Variants in CEMIP2 observed in about 807,000 individuals in gnomAD.
CEMIP2 encodes the protein cell surface hyaluronidase CEMIP2.
CEMIP2 carries 79 observed loss-of-function variants against 146.9 expected under a neutral mutation model. That is an observed-to-expected ratio of 0.54 (90% CI 0.45 to 0.65). The LOEUF (loss-of-function observed/expected upper bound fraction) is 0.65. CEMIP2 is among the 30% of genes least tolerant of loss of function. The probability of loss-of-function intolerance (pLI) is 0.00; values close to 1 mark genes in which losing one functional copy is unlikely to be tolerated. For synonymous variants in CEMIP2, 601 were observed against 606.3 expected (o/e 0.99, Z 0.13); for missense variants, 1,596 against 1,696.2 (o/e 0.94, Z 1.04).
intron 17 of CEMIP2, among the ~76,000 whole-genome samples, chr9:71,708,417 T>G (rs1395970370): frequency 6.6e-6 from 1 of 152,242 alleles, no homozygotes; most frequent in East Asian, 1.9e-4. Context: ...ATATGCTAAA[T>G]GCTTTACATA....
intron 1 of CEMIP2, 24 bp from the exon 2 acceptor site, chr9:71,750,409 G>T: frequency 6.8e-7 from 1 of 1,464,590 alleles, no homozygotes; most frequent in Non-Finnish European, 9.2e-7. Context: ...AAAAAATTAA[G>T]CTTCAGTATG....
intron 21 of CEMIP2, 138 bp from the exon 22 acceptor site, chr9:71,690,384 C>T: frequency 8.6e-7 from 1 of 1,156,516 alleles, no homozygotes. Flanking sequence ...TTGTGTGCTT[C>T]ACTTGCTTTT....
intron 1 of CEMIP2, among the ~76,000 whole-genome samples, chr9:71,755,817 C>G (rs1824418364): frequency 6.6e-6 from 1 of 151,786 alleles, no homozygotes. Context: ...AAAAAATTAA[C>G]TGGGCATGGT....
chr9:71,691,474 G>A (rs1822227496), intron 21 of CEMIP2, among the ~76,000 whole-genome samples: 1 of 150,230 alleles, frequency 6.7e-6, no homozygotes, highest in African/African-American at 2.5e-5. Context: ...CCAATCCAGT[G>A]AAAATAGTTC....
At chr9:71,751,781 A>G (rs1338699886) in intron 1 of CEMIP2, among the ~76,000 whole-genome samples, 2 of 152,162 alleles carry the variant, frequency 1.3e-5, no homozygotes, top group African/African-American at 2.4e-5. Flanking sequence ...AAAAGTTCCA[A>G]TAGCTAGGCA....
chr9:71,706,748 G>T (rs779061084), intron 17 of CEMIP2, among the ~76,000 whole-genome samples: 32 of 152,248 alleles, frequency 2.1e-4, no homozygotes, highest in Non-Finnish European at 3.7e-4. Flanking sequence ...ACGCACACAT[G>T]CATGAATACT....
chr9:71,690,296 T>C, intron 21 of CEMIP2, 50 bp from the exon 22 acceptor site: 1 of 1,590,302 alleles, frequency 6.3e-7, no homozygotes. Context: ...TGAGAACATC[T>C]GCAGGATGAC....
chr9:71,705,484 C>G (rs1306651879), intron 17 of CEMIP2, among the ~76,000 whole-genome samples: 1 of 151,998 alleles, frequency 6.6e-6, no homozygotes, highest in Non-Finnish European at 1.5e-5. Context: ...TATCTGTAAC[C>G]AAATTCTCCA....
At chr9:71,687,044 C>T in intron 22 of CEMIP2, 1 of 152,168 alleles carries the variant, frequency 6.6e-6, no homozygotes, top group Non-Finnish European at 1.5e-5. Flanking sequence ...GTGGATTCTC[C>T]GTTCTTCTCT....
chr9:71,714,775 G>A (rs1244523590), intron 15 of CEMIP2, among the ~76,000 whole-genome samples, 159 bp downstream of exon 15: 4 of 152,202 alleles, frequency 2.6e-5, no homozygotes, highest in Non-Finnish European at 5.9e-5. Flanking sequence ...AATAGTAGTA[G>A]CAGTAGCAGC....
chr9:71,766,480 A>G lies in CEMIP2; in HGVS notation c.-13+1877T>C, dbSNP rs563081948. 7.9e-5 allele frequency among the ~76,000 whole-genome samples: 12 copies of G among 152,310 alleles called. 1 individual carries two copies. The South Asian group carries it at 1.9e-3, about 24-fold the overall frequency. ...TGTCAACTTCAAGATAATGGCCCAC[A>G]AGACTACATTACCCTCCAGCTTGTC... is the stretch of plus-strand genomic sequence containing the variant. On this transcript the variant is annotated intron_variant, in intron 1 of 23. Transcript: ENST00000377044.
intron 2 of CEMIP2, 87 bp from the exon 3 acceptor site, chr9:71,746,428 T>A (rs1824091114): frequency 2.7e-6 from 4 of 1,507,862 alleles, no homozygotes; most frequent in Non-Finnish European, 3.6e-6. Context: ...TTACTGCAGA[T>A]CTGCAAAAAA....
At chr9:71,701,278 G>A (rs1019260334) in intron 18 of CEMIP2, among the ~76,000 whole-genome samples, 3 of 152,010 alleles carry the variant, frequency 2.0e-5, no homozygotes, top group Admixed American at 1.3e-4. Context: ...GCTAATTTTT[G>A]TACTTTTAGT....
intron 1 of CEMIP2, among the ~76,000 whole-genome samples, chr9:71,756,617 ATTT>A (rs1824470198): frequency 1.3e-5 from 2 of 151,976 alleles, no homozygotes; most frequent in African/African-American, 4.8e-5. Flanking sequence ...GCTCTGGGCA[ATTT>A]GACTAATTTC....
chr9:71,698,027 C>T lies in CEMIP2; in HGVS notation c.3555G>A (p.Pro1185=), dbSNP rs1274263749. 4 of 1,614,124 alleles carry T rather than the reference C, an allele frequency of 2.5e-6. No individual in the cohort carries two copies. The highest frequency in any genetic ancestry group is 2.2e-5 in the East Asian group (1 of 44,882). ...CTTGACAGAGTCCAGTGAGCATGGC[C>T]GGCATCCGCTTGACCACTGACGGCT... ...YRKPSVVKRM[P]AMLTGLCQGC... Residue 1185 remains proline, a synonymous_variant, in exon 20 of 24, where the codon CCG becomes CCA. Transcript: ENST00000377044.
At chr9:71,759,101 T>C (rs1824549696) in intron 1 of CEMIP2, among the ~76,000 whole-genome samples, 1 of 152,178 alleles carries the variant, frequency 6.6e-6, no homozygotes, top group South Asian at 2.1e-4. Context: ...CACCAACTCT[T>C]AATTATAAAC....
At chr9:71,748,073 T>C (rs1824138353) in intron 2 of CEMIP2, among the ~76,000 whole-genome samples, 1 of 152,158 alleles carries the variant, frequency 6.6e-6, no homozygotes, top group African/African-American at 2.4e-5. Context: ...CTAGCTGAAA[T>C]TCTCCATAGT....
intron 1 of CEMIP2, among the ~76,000 whole-genome samples, chr9:71,758,616 A>T (rs1824534937): frequency 6.6e-6 from 1 of 152,162 alleles, no homozygotes; most frequent in South Asian, 2.1e-4. Flanking sequence ...AGAGACGGCA[A>T]ATGTCTCTTT....
chr9:71,717,585 G>C (rs1823101068), intron 13 of CEMIP2, among the ~76,000 whole-genome samples: 1 of 152,166 alleles, frequency 6.6e-6, no homozygotes, highest in South Asian at 2.1e-4. Context: ...AATGGCAATA[G>C]AAGAGCATCA....
Sources: gnomAD v4.1 joint callset for allele counts (sites outside exome capture counted in the v4.1 genomes callset) on GRCh38, gnomAD v4.1.1 for gene constraint, MANE v1.5 for transcripts, NCBI Gene and HGNC (gene_info 2026-07-23, HGNC 2026-07-21) for gene names.